The following PCSK5 variants were observed in gnomAD, a reference collection of about 807,000 sequenced individuals.
PCSK5 encodes the protein prohormone convertase 5.
Under a neutral mutation model 233.2 loss-of-function variants are expected in PCSK5, and 129 were observed. That is an observed-to-expected ratio of 0.55 (90% CI 0.48 to 0.64). The LOEUF is 0.64. PCSK5 is among the 30% of genes least tolerant of loss of function. The pLI is 0.00. For missense variants in PCSK5, 2,076 were observed against 2,430.1 expected (o/e 0.85, Z 3.06); for synonymous variants, 825 against 879.2 (o/e 0.94, Z 1.09).
intron 5 of PCSK5, among the ~76,000 whole-genome samples, chr9:76,034,747 A>G (rs1162511249): frequency 6.6e-6 from 1 of 152,204 alleles, no homozygotes; most frequent in Non-Finnish European, 1.5e-5. Context: ...AGATGGGGTC[A>G]CATTTGCCAG....
At chr9:76,014,849 A>G (rs553470759) in intron 3 of PCSK5, among the ~76,000 whole-genome samples, 2 of 152,334 alleles carry the variant, frequency 1.3e-5, no homozygotes, top group East Asian at 1.9e-4. Context: ...TCATGAGTCA[A>G]TGTGCAGAAG....
chr9:76,209,534 G>A (rs746620634), intron 20 of PCSK5: 28 of 515,678 alleles, frequency 5.4e-5, no homozygotes, highest in African/African-American at 5.0e-4. Context: ...ATTAGATGAT[G>A]AATGAATTAC....
Position 75,945,574 on chromosome 9 carries a change from C to T in PCSK5, c.297+13091C>T, listed in dbSNP as rs983865912. Among the ~76,000 whole-genome samples the T allele has an allele frequency of 3.3e-5, 5 of 151,782 alleles. No individual in the cohort carries two copies. In the East Asian group the frequency reaches 9.7e-4, roughly 29 times the overall value. On this transcript the variant is annotated intron_variant, in intron 2 of 37. Coordinates refer to ENST00000674117, the MANE Select transcript of PCSK5 (RefSeq NM_001372043.1). ...GCTGTTCTTCTACAGTCATTCTCCA[C>T]AGAGAGTAAACTTCCAGAGTTCAAA... is the stretch of plus-strand genomic sequence containing the variant.
intron 3 of PCSK5, among the ~76,000 whole-genome samples, chr9:76,007,796 T>TTGTG (rs59860078): frequency 0.17 from 22,172 of 128,094 alleles, 2,035 homozygotes; most frequent in Non-Finnish European, 0.2. Context: ...CCGGCTAATT[T>TTGTG]TGTGTGTGTG....
At chr9:76,055,408 T>G (rs1829784961) in intron 5 of PCSK5, among the ~76,000 whole-genome samples, 1 of 152,146 alleles carries the variant, frequency 6.6e-6, no homozygotes, top group Non-Finnish European at 1.5e-5. Context: ...CTTCTTAAAT[T>G]TTTAAATTTT....
chr9:75,949,607 A>G (rs1824748152), intron 2 of PCSK5, among the ~76,000 whole-genome samples: 1 of 152,048 alleles, frequency 6.6e-6, no homozygotes, highest in East Asian at 1.9e-4. Flanking sequence ...AGCTCACTGC[A>G]ACCTCTGCCT....
Position 76,081,053 on chromosome 9 carries a change from C to T in PCSK5, c.894+9155C>T, listed in dbSNP as rs568689328. ...TATTTTCTAAAGTATATGGCATAAACCACTAATTTAATAAAATGATAGGCA... is the reference window on the plus strand; with the variant it reads ...TATTTTCTAAAGTATATGGCATAAATCACTAATTTAATAAAATGATAGGCA... On this transcript the variant is annotated intron_variant, in intron 7 of 37. Coordinates refer to ENST00000674117, the MANE Select transcript of PCSK5 (RefSeq NM_001372043.1). 2.6e-5 allele frequency among the ~76,000 whole-genome samples: 4 copies of T among 152,012 alleles called. No individual in the cohort carries two copies. The South Asian group carries it at 8.3e-4, about 32-fold the overall frequency.
In PCSK5 at chr9:75,992,600, T is replaced by C. The variant is rs201653077; in HGVS notation, c.411+6355T>C. Among the ~76,000 whole-genome samples the C allele has an allele frequency of 1.7e-4, 26 of 150,570 alleles. No homozygotes were observed. The East Asian group carries it at 4.8e-3, about 28-fold the overall frequency. The stretch of plus-strand genomic sequence containing the variant: ...ACACACACACACACATACACACACA[T>C]ACACACACACAATTTTTTTTCTGCC... On this transcript the variant is annotated intron_variant, in intron 3 of 37. Coordinates refer to ENST00000674117, the MANE Select transcript of PCSK5 (RefSeq NM_001372043.1).
intron 10 of PCSK5, among the ~76,000 whole-genome samples, chr9:76,151,381 G>T (rs540193228): frequency 2.6e-5 from 4 of 152,284 alleles, no homozygotes; most frequent in African/African-American, 9.6e-5. Flanking sequence ...GCAACAACTT[G>T]ATTGATGGCA....
intron 3 of PCSK5, among the ~76,000 whole-genome samples, chr9:75,991,027 C>G (rs191918943): frequency 1.3e-5 from 2 of 152,326 alleles, no homozygotes; most frequent in African/African-American, 4.8e-5. Flanking sequence ...CATTTTGCCA[C>G]ACTTTCATGT....
rs753837956 is a variant in PCSK5, at chr9:76,181,549, A to G, written c.2155A>G (p.Ser719Gly). 5.6e-5 allele frequency: 90 copies of G among 1,613,878 alleles called. 2 individuals carry two copies. In the Admixed American group the frequency reaches 1.2e-3, roughly 21 times the overall value. Residue 719 changes from serine to glycine, a missense_variant, in exon 16 of 38, where the codon AGC becomes GGC. Ser to Gly is a moderately conservative substitution (Grantham distance 56, BLOSUM62 0). This residue lies in a region of PCSK5 where 1,510 missense variants were observed against 1,538.1 expected (regional missense o/e 0.98). Coordinates refer to ENST00000674117, the MANE Select transcript of PCSK5 (RefSeq NM_001372043.1). ...YGYFLNEETN[S>G]CVTHCPDGSY... ...ATACTTTCTGAATGAAGAAACCAAC[A>G]GCTGTGTTACTCACTGCCCTGATGG...
intron 5 of PCSK5, among the ~76,000 whole-genome samples, chr9:76,055,457 CAG>C (rs1211614313): frequency 1.3e-5 from 2 of 151,930 alleles, no homozygotes; most frequent in East Asian, 1.9e-4. Flanking sequence ...TCATTGACAA[CAG>C]GGGGATAATG....
At chr9:76,212,286 G>A (rs991174833) in intron 20 of PCSK5, among the ~76,000 whole-genome samples, 1 of 152,188 alleles carries the variant, frequency 6.6e-6, no homozygotes, top group Non-Finnish European at 1.5e-5. Flanking sequence ...TTATGGCATG[G>A]CTGTAGGGGG....
At chr9:75,899,876 A>G (rs1479869667) in intron 1 of PCSK5, among the ~76,000 whole-genome samples, 1 of 152,152 alleles carries the variant, frequency 6.6e-6, no homozygotes, top group Non-Finnish European at 1.5e-5. Flanking sequence ...AGGGGCCAGG[A>G]AGATGGAGAG....
chr9:76,028,660 T>G (rs1226521109), intron 5 of PCSK5, among the ~76,000 whole-genome samples: 1 of 152,192 alleles, frequency 6.6e-6, no homozygotes, highest in South Asian at 2.1e-4. Flanking sequence ...CAGGAGCAAT[T>G]TGGGGAGTTC....
chr9:76,081,845 G>A (rs1587602208), intron 7 of PCSK5, among the ~76,000 whole-genome samples: 2 of 151,856 alleles, frequency 1.3e-5, no homozygotes, highest in Admixed American at 1.3e-4. Flanking sequence ...AGTAAGTCTT[G>A]CATGTACTGT....
intron 3 of PCSK5, among the ~76,000 whole-genome samples, chr9:75,994,924 T>C (rs1274900371): frequency 6.6e-6 from 1 of 152,274 alleles, no homozygotes; most frequent in East Asian, 1.9e-4. Flanking sequence ...AGGCCTCACA[T>C]GATTTGTTCT....
intron 8 of PCSK5, 43 bp from the exon 9 acceptor site, chr9:76,107,208 C>T (rs760449388): frequency 8.0e-7 from 1 of 1,251,508 alleles, no homozygotes; most frequent in Middle Eastern, 2.0e-4. Flanking sequence ...GCAGGTGACT[C>T]ACATTGGCCT....
rs71370772 is a variant in PCSK5 at position 75,911,201 on chromosome 9, G to GTTTTTTTT, written c.192+19852_192+19859dup. Among the ~76,000 whole-genome samples, 47 of 48,758 alleles carry GTTTTTTTT rather than the reference G, an allele frequency of 9.6e-4. 1 individual carries two copies. The highest frequency in any genetic ancestry group is 1.5e-3 in the East Asian group (2 of 1,358). The allele number at this position is 48,758 out of a possible 152,430, so 32.0% of individuals were successfully genotyped here. On this transcript the variant is annotated intron_variant, in intron 1 of 37. Transcript: ENST00000674117. ...TGATACATTGCGTGTGAACATATAG[G>GTTTTTTTT]TTTTTTTTTTTTTTTTTTTTTTTTT...
Sources: allele counts gnomAD v4.1 joint callset (sites outside exome capture counted in the v4.1 genomes callset), GRCh38; gene constraint gnomAD v4.1.1; regional missense constraint gnomAD v4.1.1; transcripts MANE v1.5; gene names NCBI Gene and HGNC (gene_info 2026-07-23, HGNC 2026-07-21).